The following NCAM2 variants were observed in gnomAD, a reference collection of about 807,000 sequenced individuals.
NCAM2 encodes neural cell adhesion molecule 2, also known as N-CAM-2.
In NCAM2, 30 loss-of-function variants were observed where a neutral mutation model predicts 98.1. That is an observed-to-expected ratio of 0.31 (90% CI 0.23 to 0.41). The LOEUF (loss-of-function observed/expected upper bound fraction) is 0.41. Among genes scored for constraint, NCAM2 ranks in the 10% least tolerant of loss-of-function variants. The pLI, the probability that NCAM2 is intolerant of heterozygous loss-of-function variation, is 1.00. For missense variants in NCAM2, 867 were observed against 1,005.8 expected (o/e 0.86, Z 1.87); for synonymous variants, 368 against 342.4 (o/e 1.07, Z -0.83).
At chr21:21,132,183 CTCTT>C (rs2066949707) in intron 1 of NCAM2, among the ~76,000 whole-genome samples, 1 of 152,158 alleles carries the variant, frequency 6.6e-6, no homozygotes, top group Non-Finnish European at 1.5e-5. Context: ...CTATCTCTCC[CTCTT>C]TCTTGCTCTC....
Position 21,063,511 on chromosome 21 carries a change from G to A in NCAM2, c.55+64893G>A, listed in dbSNP as rs907368834. 6.1e-4 allele frequency among the ~76,000 whole-genome samples: 92 copies of A among 151,908 alleles called. 2 individuals are homozygous for A. Among genetic ancestry groups the A allele is most frequent in the Admixed American group, 2.0e-4 (3 of 15,268 alleles). ...GCTGGGATTACAGGCATGAGCCACC[G>A]TGCCTGGACACGTTACATTCTTAAT... On this transcript the variant is annotated intron_variant, in intron 1 of 17. Coordinates refer to ENST00000400546, the MANE Select transcript of NCAM2 (RefSeq NM_004540.5).
intron 1 of NCAM2, among the ~76,000 whole-genome samples, chr21:21,230,222 A>G (rs1034544229): frequency 6.6e-6 from 1 of 151,242 alleles, no homozygotes; most frequent in Non-Finnish European, 1.5e-5. Flanking sequence ...TTACTCTATA[A>G]TGTATTAAAA....
intron 9 of NCAM2, among the ~76,000 whole-genome samples, chr21:21,379,441 A>G (rs2076103896): frequency 6.6e-6 from 1 of 151,986 alleles, no homozygotes; most frequent in African/African-American, 2.4e-5. Context: ...GAACCCCCCA[A>G]TATTGTAGTA....
chr21:21,488,609 G>C (rs976184968), intron 15 of NCAM2, among the ~76,000 whole-genome samples: 1 of 151,746 alleles, frequency 6.6e-6, no homozygotes, highest in African/African-American at 2.4e-5. Flanking sequence ...ATATATTTGG[G>C]TCTAGCTTTC....
rs567028944 is a variant in NCAM2, at chr21:21,138,032, C to G, written c.55+139414C>G. ...ACCAGCTTATTACCATCTCCTCTAG[C>G]ATTTATATCTGAGGAACAGAGAAAC... is the stretch of plus-strand genomic sequence containing the variant. On this transcript the variant is annotated intron_variant, in intron 1 of 17. Transcript: ENST00000400546. Among the ~76,000 whole-genome samples the G allele has an allele frequency of 9.2e-5, 14 of 152,296 alleles. No individual in the cohort carries two copies. In the South Asian group the frequency reaches 2.9e-3, roughly 32 times the overall value.
intron 1 of NCAM2, among the ~76,000 whole-genome samples, chr21:21,250,097 A>G (rs577839971): frequency 3.0e-4 from 45 of 152,316 alleles, no homozygotes; most frequent in African/African-American, 1.1e-3. Context: ...CCTCCCAGGT[A>G]GTATTTAGCT....
At chr21:21,051,790 T>C (rs1436593533) in intron 1 of NCAM2, among the ~76,000 whole-genome samples, 2 of 152,218 alleles carry the variant, frequency 1.3e-5, no homozygotes, top group African/African-American at 4.8e-5. Flanking sequence ...TTGTAGGAAC[T>C]TCTTCATCTC....
intron 12 of NCAM2, among the ~76,000 whole-genome samples, chr21:21,443,008 T>C (rs1199049567): frequency 6.6e-6 from 1 of 152,162 alleles, no homozygotes; most frequent in East Asian, 1.9e-4. Flanking sequence ...CTTGTGGGCA[T>C]TTAGTGCTAT....
At chr21:21,260,077 A>G (rs376202514) in intron 1 of NCAM2, among the ~76,000 whole-genome samples, 2 of 151,720 alleles carry the variant, frequency 1.3e-5, no homozygotes, top group African/African-American at 2.4e-5. Context: ...GAGCAATAGA[A>G]TAGATCAAGC....
intron 1 of NCAM2, among the ~76,000 whole-genome samples, chr21:21,036,273 A>G (rs1383498955): frequency 6.6e-6 from 1 of 152,196 alleles, no homozygotes; most frequent in African/African-American, 2.4e-5. Flanking sequence ...TTGCTCTTTG[A>G]CAGACAAAAG....
At chr21:21,467,401 G>A (rs1022255942) in intron 13 of NCAM2, among the ~76,000 whole-genome samples, 11 of 59,904 alleles carry the variant, frequency 1.8e-4, no homozygotes, top group Admixed American at 4.5e-4. Context: ...TATATATATC[G>A]TTGTATATGT....
At chr21:21,134,962 C>T (rs1466469984) in intron 1 of NCAM2, among the ~76,000 whole-genome samples, 1 of 151,900 alleles carries the variant, frequency 6.6e-6, no homozygotes, top group Non-Finnish European at 1.5e-5. Flanking sequence ...TCGCTGGGCG[C>T]GGCGGCTCAC....
chr21:21,438,872 C>T (rs1167750283), intron 12 of NCAM2, among the ~76,000 whole-genome samples: 2 of 151,906 alleles, frequency 1.3e-5, no homozygotes, highest in South Asian at 2.1e-4. Context: ...TGTTCAAAGC[C>T]GGGAGTTCAG....
intron 14 of NCAM2, 39 bp from the exon 15 acceptor site, chr21:21,477,252 T>C (rs1437269135): frequency 6.7e-7 from 1 of 1,488,898 alleles, no homozygotes; most frequent in Non-Finnish European, 9.1e-7. Context: ...CACTTTAGTG[T>C]ATGGATATTT....
intron 8 of NCAM2, among the ~76,000 whole-genome samples, chr21:21,372,243 C>T (rs955730175): frequency 6.6e-6 from 1 of 151,568 alleles, no homozygotes; most frequent in African/African-American, 2.4e-5. Flanking sequence ...GGACAATAAA[C>T]TCTAAAAATA....
intron 12 of NCAM2, among the ~76,000 whole-genome samples, chr21:21,442,925 T>C (rs1374237974): frequency 6.6e-6 from 1 of 152,138 alleles, no homozygotes; most frequent in Non-Finnish European, 1.5e-5. Context: ...AAATGATCTT[T>C]CTCTTTATCC....
chr21:21,463,344 G>A (rs9980337), intron 12 of NCAM2, among the ~76,000 whole-genome samples: 6,603 of 152,124 alleles, frequency 0.043, 484 homozygotes, highest in African/African-American at 0.15. Flanking sequence ...TAATCTTCAT[G>A]TTCACGCAGT....
intron 12 of NCAM2, among the ~76,000 whole-genome samples, chr21:21,433,759 A>ATAAAATAAAATAAAATAAAATAAAG (rs2077398547): frequency 3.4e-5 from 5 of 146,488 alleles, no homozygotes; most frequent in African/African-American, 1.3e-4. Flanking sequence ...ATAAAATAAA[A>ATAAAATAAAATAAAATAAAATAAAG]TAAAATAAAA....
At chr21:21,273,629 G>T (rs1178148309) in intron 1 of NCAM2, among the ~76,000 whole-genome samples, 1 of 151,922 alleles carries the variant, frequency 6.6e-6, no homozygotes, top group Non-Finnish European at 1.5e-5. Flanking sequence ...GAATGGAGAG[G>T]ACAGAATAAA....
Sources: gnomAD v4.1 joint callset for allele counts (sites outside exome capture counted in the v4.1 genomes callset) on GRCh38, gnomAD v4.1.1 for gene constraint, MANE v1.5 for transcripts, NCBI Gene and HGNC (gene_info 2026-07-23, HGNC 2026-07-21) for gene names.